The following SNTG1 variants were observed in gnomAD, a reference collection of about 807,000 sequenced individuals.
The protein encoded by SNTG1 is syntrophin gamma 1.
Under a neutral mutation model 74.7 loss-of-function variants are expected in SNTG1, and 39 were observed. The ratio of observed to expected loss-of-function variants is 0.52; its 90% CI spans 0.40 to 0.68. The LOEUF is 0.68. SNTG1 is among the 30% of genes least tolerant of loss of function. The pLI is 0.00. For synonymous variants in SNTG1, 254 were observed against 217.1 expected (o/e 1.17, Z -1.49); for missense variants, 685 against 609.5 (o/e 1.12, Z -1.30).
chr8:50,635,125 A>G (rs62516799), intron 13 of SNTG1, among the ~76,000 whole-genome samples: 10 of 152,110 alleles, frequency 6.6e-5, no homozygotes, highest in Non-Finnish European at 1.3e-4. Flanking sequence ...AAATCTTATC[A>G]TCTCAAAGTC....
At chr8:50,321,274 A>G (rs2130813169) in intron 2 of SNTG1, among the ~76,000 whole-genome samples, 1 of 152,168 alleles carries the variant, frequency 6.6e-6, no homozygotes, top group Non-Finnish European at 1.5e-5. Context: ...TGACTCCTTT[A>G]TCATTATATT....
intron 1 of SNTG1, among the ~76,000 whole-genome samples, chr8:49,963,297 A>G (rs1020141028): frequency 6.6e-6 from 1 of 152,200 alleles, no homozygotes; most frequent in African/African-American, 2.4e-5. Flanking sequence ...CCAGGATTCA[A>G]ATAAACAGGA....
chr8:50,576,194 A>C (rs1411462182), intron 12 of SNTG1, among the ~76,000 whole-genome samples: 1 of 152,180 alleles, frequency 6.6e-6, no homozygotes, highest in Non-Finnish European at 1.5e-5. Flanking sequence ...ATGATTTTGC[A>C]TATGAATTTC....
At chr8:49,977,569 A>G (rs1034849953) in intron 1 of SNTG1, among the ~76,000 whole-genome samples, 13 of 152,232 alleles carry the variant, frequency 8.5e-5, no homozygotes, top group Non-Finnish European at 5.9e-5. Context: ...CAGAGCAGCA[A>G]ACAGAAACAT....
intron 17 of SNTG1, among the ~76,000 whole-genome samples, chr8:50,742,856 A>G (rs1413448575): frequency 6.6e-6 from 1 of 151,886 alleles, no homozygotes; most frequent in African/African-American, 2.4e-5. Flanking sequence ...TTTTGATAAT[A>G]TTGTAAAAAT....
intron 1 of SNTG1, among the ~76,000 whole-genome samples, chr8:49,949,300 C>G (rs1456573240): frequency 6.6e-6 from 1 of 152,158 alleles, no homozygotes; most frequent in Admixed American, 6.5e-5. Flanking sequence ...ATGGTGCTAG[C>G]AAACTATTCT....
chr8:50,624,345 C>G (rs998379429), intron 13 of SNTG1, among the ~76,000 whole-genome samples: 1 of 145,770 alleles, frequency 6.9e-6, no homozygotes, highest in Non-Finnish European at 1.5e-5. Flanking sequence ...TATTTTTTTT[C>G]AACAATAGCA....
intron 1 of SNTG1, among the ~76,000 whole-genome samples, chr8:50,112,525 T>TC (rs2080637652): frequency 7.4e-6 from 1 of 135,240 alleles, no homozygotes; most frequent in Non-Finnish European, 1.6e-5. Flanking sequence ...CTTTTTTTTT[T>TC]TTTTTTTTTT....
intron 2 of SNTG1, among the ~76,000 whole-genome samples, chr8:50,229,630 AAG>A (rs1419745889): frequency 6.7e-6 from 1 of 148,718 alleles, no homozygotes; most frequent in Admixed American, 6.8e-5. Context: ...ATGCAAATGT[AAG>A]AGTGTAGTTT....
At chr8:50,494,767 AT>A (rs1447802469) in intron 8 of SNTG1, among the ~76,000 whole-genome samples, 1 of 152,122 alleles carries the variant, frequency 6.6e-6, no homozygotes, top group Non-Finnish European at 1.5e-5. Context: ...CTTTTATTAC[AT>A]AAAATCTTGT....
At chr8:49,949,073 T>G (rs1025332054) in intron 1 of SNTG1, among the ~76,000 whole-genome samples, 3 of 152,194 alleles carry the variant, frequency 2.0e-5, no homozygotes, top group Non-Finnish European at 4.4e-5. Flanking sequence ...TCTTTCCTTG[T>G]TCTCACACTA....
At chr8:50,352,579 C>T (rs1376836439) in intron 2 of SNTG1, among the ~76,000 whole-genome samples, 21 of 151,862 alleles carry the variant, frequency 1.4e-4, no homozygotes, top group East Asian at 3.9e-4. Context: ...TTAGTAGAGG[C>T]GGGTTTTCAC....
chr8:50,564,588 G>A (rs996838889), intron 12 of SNTG1, among the ~76,000 whole-genome samples: 1 of 152,110 alleles, frequency 6.6e-6, no homozygotes, highest in Non-Finnish European at 1.5e-5. Context: ...GTATTTACAT[G>A]AAAATCTAGC....
intron 1 of SNTG1, among the ~76,000 whole-genome samples, chr8:49,933,710 G>A (rs1256381254): frequency 6.6e-6 from 1 of 152,088 alleles, no homozygotes; most frequent in Non-Finnish European, 1.5e-5. Context: ...TGATGTTGAT[G>A]TCCAGTCTCA....
chr8:50,792,452 A>G (rs2095693721), intron 18 of SNTG1, among the ~76,000 whole-genome samples: 1 of 151,926 alleles, frequency 6.6e-6, no homozygotes, highest in South Asian at 2.1e-4. Flanking sequence ...AAGAGTGATT[A>G]GTCCTCCTAC....
At chr8:50,504,714 T>A (rs1056240960) in intron 9 of SNTG1, among the ~76,000 whole-genome samples, 1 of 152,170 alleles carries the variant, frequency 6.6e-6, no homozygotes, top group Admixed American at 6.5e-5. Flanking sequence ...GGTGAGAGGA[T>A]GGCTTGAGCC....
At chr8:50,209,586 C>T (rs757073432) in intron 2 of SNTG1, among the ~76,000 whole-genome samples, 8 of 152,180 alleles carry the variant, frequency 5.3e-5, no homozygotes, top group African/African-American at 1.4e-4. Context: ...CTGCAGCCTC[C>T]GCTGGTGATA....
At chr8:50,483,630 C>T (rs80332135) in intron 8 of SNTG1, among the ~76,000 whole-genome samples, 1 of 152,000 alleles carries the variant, frequency 6.6e-6, no homozygotes, top group Non-Finnish European at 1.5e-5. Context: ...ATGACTCATG[C>T]AGTGGACGGA....
Position 50,173,597 on chromosome 8 carries a change from T to C in SNTG1, c.-28+962T>C, listed in dbSNP as rs2082886167. Among the ~76,000 whole-genome samples the C allele has an allele frequency of 2.0e-5, 3 of 152,204 alleles. No individual in the cohort carries two copies. The South Asian group carries it at 6.2e-4, about 31-fold the overall frequency. On this transcript the variant is annotated intron_variant, in intron 2 of 18. Transcript: ENST00000642720. ...TTATAACTTTATGTAGCCATGCAGA[T>C]TGCCTATTAAAGAGATTTCTAGGCT...
Sources: gnomAD v4.1 joint callset for allele counts (sites outside exome capture counted in the v4.1 genomes callset) on GRCh38, gnomAD v4.1.1 for gene constraint, MANE v1.5 for transcripts, NCBI Gene and HGNC (gene_info 2026-07-23, HGNC 2026-07-21) for gene names.